Variants in ERBB4 observed in about 807,000 individuals in gnomAD.
ERBB4 encodes receptor tyrosine-protein kinase erbB-4.
A neutral mutation model predicts 158.0 loss-of-function variants in ERBB4; 42 were observed. The observed-to-expected ratio is 0.27, with a 90% CI of 0.21 to 0.34. The LOEUF (loss-of-function observed/expected upper bound fraction) is 0.34. Ranked by LOEUF, ERBB4 falls within the 10% of genes least tolerant of loss-of-function variation. The pLI is 1.00. For missense variants in ERBB4, 1,333 were observed against 1,624.1 expected, an observed-to-expected ratio of 0.82 and a Z score of 3.08; for synonymous variants, 583 against 558.7, an observed-to-expected ratio of 1.04 and a Z score of -0.61.
At chr2:212,200,811 T>C (rs1367860850) in intron 1 of ERBB4, among the ~76,000 whole-genome samples, 1 of 152,186 alleles carries the variant, frequency 6.6e-6, no homozygotes, top group Non-Finnish European at 1.5e-5. Flanking sequence ...TTAAGACAAT[T>C]GGGGAAGGTG....
intron 1 of ERBB4, among the ~76,000 whole-genome samples, chr2:212,410,863 T>C (rs182436608): frequency 4.5e-4 from 68 of 152,198 alleles, no homozygotes; most frequent in Non-Finnish European, 8.4e-4. Context: ...TATGTACACA[T>C]ATTCAGATAG....
intron 5 of ERBB4, among the ~76,000 whole-genome samples, chr2:211,729,124 G>GA (rs1326298512): frequency 6.6e-6 from 1 of 151,526 alleles, no homozygotes; most frequent in Non-Finnish European, 1.5e-5. Flanking sequence ...TAAAATTTTT[G>GA]AAAATAGCAA....
At chr2:211,583,023 T>C (rs991421379) in intron 19 of ERBB4, among the ~76,000 whole-genome samples, 1 of 152,110 alleles carries the variant, frequency 6.6e-6, no homozygotes, top group Non-Finnish European at 1.5e-5. Context: ...TATATTTTCT[T>C]TTGAAAATGT....
intron 3 of ERBB4, among the ~76,000 whole-genome samples, chr2:211,888,560 T>C (rs533001537): frequency 1.3e-5 from 2 of 152,288 alleles, no homozygotes; most frequent in African/African-American, 2.4e-5. Flanking sequence ...GATGGCTGAA[T>C]AGGAACAGCT....
chr2:212,077,060 A>G (rs1340079505), intron 2 of ERBB4, among the ~76,000 whole-genome samples: 1 of 152,068 alleles, frequency 6.6e-6, no homozygotes, highest in Non-Finnish European at 1.5e-5. Context: ...ACCTAATTAT[A>G]CATCAGAAAA....
chr2:211,603,577 GT>G (rs939905928), intron 19 of ERBB4, among the ~76,000 whole-genome samples: 1 of 152,172 alleles, frequency 6.6e-6, no homozygotes, highest in Non-Finnish European at 1.5e-5. Context: ...TATTAATTAA[GT>G]TTTTAGCAGT....
chr2:212,125,150 G>T (rs901383406), intron 1 of ERBB4: 10 of 488,288 alleles, frequency 2.0e-5, no homozygotes, highest in Admixed American at 1.7e-4. Context: ...ATAGCAAGGA[G>T]ATAAACTTAA....
rs142589782 is a variant in ERBB4 at position 212,385,041 on chromosome 2, A to G, written c.82+153408T>C. Among the ~76,000 whole-genome samples, 819 of 151,476 alleles carry G rather than the reference A, an allele frequency of 5.4e-3. 5 individuals are homozygous for G. Among genetic ancestry groups the G allele is most frequent in the Non-Finnish European group, 8.8e-3 (599 of 67,690 alleles). ...AAAAAGAATCGTTTGTGTAGCTGCA[A>G]TCTTCATGTTTATGACAGAAAAATT... On this transcript the variant is annotated intron_variant, in intron 1 of 27. Transcript: ENST00000342788.
chr2:212,330,434 C>T (rs2088081478), intron 1 of ERBB4, among the ~76,000 whole-genome samples: 1 of 151,928 alleles, frequency 6.6e-6, no homozygotes. Context: ...GCCTGGGCAA[C>T]AAAGTGAGAC....
chr2:212,468,064 G>T (rs1360445658), intron 1 of ERBB4, among the ~76,000 whole-genome samples: 1 of 152,240 alleles, frequency 6.6e-6, no homozygotes, highest in South Asian at 2.1e-4. Context: ...TCTCCCATTT[G>T]GGATGGCTGT....
At chr2:212,279,327 T>A (rs2085665107) in intron 1 of ERBB4, among the ~76,000 whole-genome samples, 1 of 151,592 alleles carries the variant, frequency 6.6e-6, no homozygotes, top group Admixed American at 6.6e-5. Context: ...TTTTAATGAT[T>A]GGAATTCCAT....
At chr2:211,524,649 G>A (rs568399490) in intron 20 of ERBB4, among the ~76,000 whole-genome samples, 385 of 818 alleles carry the variant, frequency 0.47, 6 homozygotes, top group African/African-American at 0.5. Flanking sequence ...CCCGGGGCCG[G>A]CAGGGCCGCC....
intron 2 of ERBB4, among the ~76,000 whole-genome samples, chr2:211,949,012 A>T (rs189957136): frequency 6.6e-6 from 1 of 152,110 alleles, no homozygotes; most frequent in Admixed American, 6.5e-5. Context: ...AGGTTATTCC[A>T]TCTTTTCTGA....
At chr2:212,368,155 A>T (rs2089958666) in intron 1 of ERBB4, among the ~76,000 whole-genome samples, 1 of 152,204 alleles carries the variant, frequency 6.6e-6, no homozygotes, top group East Asian at 1.9e-4. Flanking sequence ...AATTCACAAT[A>T]GCAAAATCGT....
intron 12 of ERBB4, among the ~76,000 whole-genome samples, chr2:211,691,602 G>GTGTGTGTGTGTGTGTGTA (rs1225867697): frequency 4.7e-4 from 68 of 145,424 alleles, no homozygotes; most frequent in African/African-American, 1.5e-3. Context: ...GTGTGTGTGT[G>GTGTGTGTGTGTGTGTGTA]TATATATATA....
chr2:211,779,674 C>G (rs541388131), intron 4 of ERBB4: 2 of 152,262 alleles, frequency 1.3e-5, no homozygotes, highest in South Asian at 4.1e-4. Context: ...ACGAAAAGTA[C>G]TAACAATTGA....
chr2:211,699,572 T>C (rs530701157), intron 12 of ERBB4, among the ~76,000 whole-genome samples: 7 of 152,222 alleles, frequency 4.6e-5, no homozygotes, highest in African/African-American at 1.7e-4. Flanking sequence ...TCATGCAAAA[T>C]ACATTTATTC....
intron 2 of ERBB4, among the ~76,000 whole-genome samples, chr2:211,972,988 A>T (rs1647017138): frequency 6.6e-6 from 1 of 152,182 alleles, no homozygotes; most frequent in Admixed American, 6.5e-5. Context: ...GAAACAACCT[A>T]AAAAATGGGA....
At chr2:211,495,905 A>G (rs2065457036) in intron 20 of ERBB4, among the ~76,000 whole-genome samples, 1 of 152,046 alleles carries the variant, frequency 6.6e-6, no homozygotes, top group Admixed American at 6.5e-5. Context: ...AGAGAAACCT[A>G]TATAACATGC....
Sources: allele counts gnomAD v4.1 joint callset (sites outside exome capture counted in the v4.1 genomes callset), GRCh38; gene constraint gnomAD v4.1.1; transcripts MANE v1.5; gene names NCBI Gene and HGNC (gene_info 2026-07-23, HGNC 2026-07-21).